Variants in LRRC20 observed in about 807,000 individuals in gnomAD.
LRRC20 encodes leucine rich repeat containing 20.
In LRRC20, 11 loss-of-function variants were observed where a neutral mutation model predicts 14.4. The observed-to-expected ratio is 0.77, with a 90% CI of 0.48 to 1.27. The LOEUF (loss-of-function observed/expected upper bound fraction) is 1.27. LRRC20 is among the 50% of genes most tolerant of loss of function. LRRC20 has a pLI of 0.00. For synonymous variants in LRRC20, 121 were observed against 107.3 expected, an observed-to-expected ratio of 1.13 and a Z score of -0.79; for missense variants, 219 against 251.2, an observed-to-expected ratio of 0.87 and a Z score of 0.87.
At chr10:70,311,222 ATTTTTTTTTT>A in intron 4 of LRRC20, among the ~76,000 whole-genome samples, 1 of 86,346 alleles carries the variant, frequency 1.2e-5, no homozygotes, top group Admixed American at 1.4e-4. Context: ...TCAACATTCC[ATTTTTTTTTT>A]TTTTTTTTTT....
intron 2 of LRRC20, among the ~76,000 whole-genome samples, chr10:70,356,073 G>A (rs1190323117): frequency 1.3e-5 from 2 of 152,208 alleles, no homozygotes; most frequent in Non-Finnish European, 2.9e-5. Flanking sequence ...CCACACAAGA[G>A]ACCTAGAAAG....
rs1311095805 is a variant in LRRC20, at chr10:70,299,538, G to C, written c.*1816C>G. 6.6e-6 allele frequency: 1 copy of C among 152,346 alleles called. No homozygotes were observed. The highest frequency in any genetic ancestry group is 2.4e-5 in the African/African-American group (1 of 41,462). 9.4% of individuals were successfully genotyped at this position (152,346 alleles called of 1,614,324 possible). ...ACTCTGCATTCCTAACAAGCTCCCA[G>C]GTGTCACTGCCGCTGCTGGTCCACA... On this transcript the variant is annotated 3_prime_UTR_variant, in exon 5 of 5. Transcript: ENST00000446961.
Position 70,339,431 on chromosome 10 carries a change from C to T in LRRC20, c.232+1122G>A, listed in dbSNP as rs140716373. On this transcript the variant is annotated intron_variant, in intron 3 of 4. Coordinates refer to ENST00000446961, the MANE Select transcript of LRRC20 (RefSeq NM_001278212.2). The stretch of plus-strand genomic sequence containing the variant: ...GCTCCTGGAAGACAGAGGGCAGGCT[C>T]TGAAGCCTGGTCTCCAGGGCAGGCA... Among the ~76,000 whole-genome samples the T allele has an allele frequency of 2.0e-5, 3 of 152,304 alleles. No homozygotes were observed. The East Asian group carries it at 5.8e-4, about 29-fold the overall frequency.
At chr10:70,361,979 G>C (rs896332085) in intron 2 of LRRC20, among the ~76,000 whole-genome samples, 1 of 152,210 alleles carries the variant, frequency 6.6e-6, no homozygotes, top group Non-Finnish European at 1.5e-5. Flanking sequence ...ATGAGACCAG[G>C]AGTTCGAGAC....
intron 3 of LRRC20, among the ~76,000 whole-genome samples, chr10:70,324,717 G>A (rs1412710325): frequency 3.3e-5 from 5 of 152,066 alleles, no homozygotes; most frequent in Admixed American, 2.0e-4. Context: ...GAGAGAAGCC[G>A]GGCGCCCACA....
At chr10:70,380,972 G>T in intron 1 of LRRC20, among the ~76,000 whole-genome samples, 1 of 152,204 alleles carries the variant, frequency 6.6e-6, no homozygotes, top group East Asian at 1.9e-4. Context: ...AAGGGACAGG[G>T]GTGAGCAGCA....
intron 4 of LRRC20, among the ~76,000 whole-genome samples, chr10:70,308,904 G>A (rs1410331821): frequency 6.6e-6 from 1 of 152,214 alleles, no homozygotes; most frequent in Non-Finnish European, 1.5e-5. Context: ...CCAGCAGCCT[G>A]GCCTCGCTCG....
chr10:70,321,162 C>T (rs541947208), intron 4 of LRRC20, among the ~76,000 whole-genome samples: 1 of 152,300 alleles, frequency 6.6e-6, no homozygotes, highest in South Asian at 2.1e-4. Flanking sequence ...ATTTTTTCCA[C>T]CACCCTCTAA....
chr10:70,350,361 A>C (rs1373853582), intron 2 of LRRC20, among the ~76,000 whole-genome samples: 1 of 152,222 alleles, frequency 6.6e-6, no homozygotes, highest in Non-Finnish European at 1.5e-5. Flanking sequence ...AAGAAGACCA[A>C]ACTGCATGTC....
intron 2 of LRRC20, among the ~76,000 whole-genome samples, chr10:70,357,398 C>A (rs796683413): frequency 2.2e-4 from 34 of 152,172 alleles, no homozygotes; most frequent in African/African-American, 8.0e-4. Flanking sequence ...CAGGATCCAA[C>A]GAACAGGTGG....
intron 2 of LRRC20, among the ~76,000 whole-genome samples, chr10:70,363,384 G>A (rs1302711158): frequency 1.3e-5 from 2 of 152,058 alleles, no homozygotes; most frequent in East Asian, 3.9e-4. Context: ...CCCCACCCAC[G>A]GAGGACATGG....
chr10:70,329,304 C>T (rs1444230939), intron 3 of LRRC20, among the ~76,000 whole-genome samples: 1 of 152,178 alleles, frequency 6.6e-6, no homozygotes, highest in African/African-American at 2.4e-5. Flanking sequence ...GCAAAAAGCC[C>T]AGGGAAAAGC....
intron 3 of LRRC20, among the ~76,000 whole-genome samples, 169 bp from the exon 4 acceptor site, chr10:70,324,199 G>A (rs1189702258): frequency 6.6e-6 from 1 of 152,194 alleles, no homozygotes; most frequent in African/African-American, 2.4e-5. Context: ...ATTTGTGCTA[G>A]AGGAGGGGTC....
intron 2 of LRRC20, among the ~76,000 whole-genome samples, chr10:70,354,198 G>A (rs141400067): frequency 6.6e-6 from 1 of 152,098 alleles, no homozygotes; most frequent in Non-Finnish European, 1.5e-5. Context: ...TTTAATTAGT[G>A]GGGGCTGGGG....
chr10:70,369,139 T>C (rs529675259), intron 2 of LRRC20, among the ~76,000 whole-genome samples: 5 of 152,326 alleles, frequency 3.3e-5, no homozygotes, highest in Admixed American at 2.6e-4. Context: ...CTGCTTTTTT[T>C]CCTCCTTTTC....
intron 4 of LRRC20, among the ~76,000 whole-genome samples, chr10:70,301,913 C>T (rs993159566): frequency 1.9e-4 from 29 of 152,072 alleles, no homozygotes; most frequent in Admixed American, 1.1e-3. Flanking sequence ...ATGATATATA[C>T]TATGTTGTCC....
At chr10:70,327,111 T>C (rs1589069723) in intron 3 of LRRC20, among the ~76,000 whole-genome samples, 2 of 152,188 alleles carry the variant, frequency 1.3e-5, no homozygotes, top group East Asian at 3.8e-4. Flanking sequence ...TCTGCAGTCT[T>C]GGGGGTCATG....
chr10:70,346,625 A>G (rs930018188), intron 2 of LRRC20, among the ~76,000 whole-genome samples: 4 of 152,334 alleles, frequency 2.6e-5, no homozygotes, highest in African/African-American at 9.6e-5. Context: ...GAAGCAGGAC[A>G]TAAAAACCAT....
At chr10:70,349,348 C>T (rs1843204569) in intron 2 of LRRC20, among the ~76,000 whole-genome samples, 1 of 152,164 alleles carries the variant, frequency 6.6e-6, no homozygotes, top group Non-Finnish European at 1.5e-5. Context: ...GAGGCTGAGG[C>T]AGGTGGATCA....
Sources: gnomAD v4.1 joint callset for allele counts (sites outside exome capture counted in the v4.1 genomes callset) on GRCh38, gnomAD v4.1.1 for gene constraint, MANE v1.5 for transcripts, NCBI Gene and HGNC (gene_info 2026-07-23, HGNC 2026-07-21) for gene names.